The following GEMIN8 variants were observed in gnomAD, a reference collection of about 807,000 sequenced individuals.
GEMIN8 encodes gem nuclear organelle associated protein 8.
For missense variants in GEMIN8, 185 were observed against 205.9 expected (o/e 0.90, Z 0.62); for synonymous variants, 80 against 78.5 (o/e 1.02, Z -0.10).
intron 4 of GEMIN8, chrX:14,013,945 C>T (rs1426701916): frequency 7.1e-6 from 5 of 708,340 alleles, no homozygotes; most frequent in Non-Finnish European, 8.3e-6. Flanking sequence ...GTTCAGGATA[C>T]ATAATCCTGG....
downstream of GEMIN8, among the ~76,000 whole-genome samples, chrX:14,003,171 A>G (rs768284270): frequency 1.8e-5 from 2 of 112,708 alleles, no homozygotes; most frequent in Non-Finnish European, 3.7e-5. Context: ...CAAGCCCAGC[A>G]GGGACTAGAC....
downstream of GEMIN8, among the ~76,000 whole-genome samples, chrX:14,003,428 T>C (rs1445817209): frequency 8.9e-6 from 1 of 112,685 alleles, no homozygotes; most frequent in Non-Finnish European, 1.9e-5. Context: ...ATAATATTCC[T>C]TCAACACATT....
intron 4 of GEMIN8, among the ~76,000 whole-genome samples, chrX:14,015,009 C>G: frequency 8.9e-6 from 1 of 111,810 alleles, no homozygotes; most frequent in East Asian, 2.8e-4. Context: ...ACACCATAGA[C>G]ACTCTTCTTC....
chrX:14,015,160 G>A (rs1923825076), intron 4 of GEMIN8, among the ~76,000 whole-genome samples: 1 of 111,855 alleles, frequency 8.9e-6, no homozygotes, highest in African/African-American at 3.3e-5. Context: ...AACAGTGGTG[G>A]TGTTTGTTTC....
chrX:13,992,182 A>T, the GEMIN8 span, among the ~76,000 whole-genome samples: 2 of 111,891 alleles, frequency 1.8e-5, no homozygotes, highest in African/African-American at 6.5e-5. Flanking sequence ...AATGTCAAAT[A>T]ATCCTTCACA....
intron 2 of GEMIN8, among the ~76,000 whole-genome samples, chrX:14,021,759 T>C (rs180967047): frequency 8.9e-5 from 9 of 101,255 alleles, no homozygotes; most frequent in South Asian, 4.5e-4. Flanking sequence ...TATTTCCCTA[T>C]AGGAAGTAAA....
chrX:14,003,667 C>T (rs953714089), downstream of GEMIN8, among the ~76,000 whole-genome samples: 2 of 111,943 alleles, frequency 1.8e-5, no homozygotes, highest in African/African-American at 6.5e-5. Context: ...CTAGAATATG[C>T]TGTTTTACTT....
chrX:14,014,509 C>T, intron 4 of GEMIN8: 5 of 752,559 alleles, frequency 6.6e-6, no homozygotes, highest in East Asian at 1.5e-4. Flanking sequence ...TATCATCTCA[C>T]TGATCGGTTT....
At chrX:14,021,814 GTATA>G (rs147147045) in intron 2 of GEMIN8, among the ~76,000 whole-genome samples, 2,329 of 78,195 alleles carry the variant, frequency 0.03, 55 homozygotes, top group Middle Eastern at 0.088. Flanking sequence ...TAATGTGTGT[GTATA>G]TATATATATA....
At chrX:14,022,990 T>C (rs944346668) in intron 2 of GEMIN8, among the ~76,000 whole-genome samples, 2 of 112,578 alleles carry the variant, frequency 1.8e-5, no homozygotes, top group African/African-American at 3.2e-5. Context: ...AACTTTCAAA[T>C]AGGGTATTTC....
the GEMIN8 span, among the ~76,000 whole-genome samples, chrX:13,984,291 A>C: frequency 1.8e-5 from 2 of 112,367 alleles, no homozygotes; most frequent in African/African-American, 6.5e-5. Flanking sequence ...CTGTGAGATA[A>C]TAAATTTGTG....
intron 2 of GEMIN8, among the ~76,000 whole-genome samples, chrX:14,025,533 T>A (rs1450445697): frequency 1.8e-5 from 2 of 111,566 alleles, no homozygotes; most frequent in Non-Finnish European, 3.8e-5. Context: ...TGGGAATCAG[T>A]AGACGAACTT....
chrX:13,998,775 A>G, the GEMIN8 span, among the ~76,000 whole-genome samples: 1 of 111,066 alleles, frequency 9.0e-6, no homozygotes, highest in Non-Finnish European at 1.9e-5. Context: ...CTTTGAACCA[A>G]CTTGTTCATC....
chrX:14,006,592 GATGGGCTGGC>G (rs1172830430), downstream of GEMIN8, among the ~76,000 whole-genome samples: 1 of 111,658 alleles, frequency 9.0e-6, no homozygotes, highest in East Asian at 2.8e-4. Flanking sequence ...CAGGAGGAAG[GATGGGCTGGC>G]ATGAGGTGTC....
At chrX:14,006,034 C>T (rs1473741183), downstream of GEMIN8, among the ~76,000 whole-genome samples, 1 of 98,788 alleles carries the variant, frequency 1.0e-5, no homozygotes, top group Non-Finnish European at 2.0e-5. Context: ...GGCCAAAGAG[C>T]TAGGGACACT....
At chrX:14,028,589 C>A (rs1924814595) in intron 1 of GEMIN8, among the ~76,000 whole-genome samples, 1 of 107,618 alleles carries the variant, frequency 9.3e-6, no homozygotes, top group Non-Finnish European at 1.9e-5. Context: ...TCAAAACTTT[C>A]CCCCGTCATT....
the GEMIN8 span, among the ~76,000 whole-genome samples, chrX:14,000,569 C>G: frequency 2.8e-5 from 3 of 107,791 alleles, no homozygotes; most frequent in African/African-American, 3.4e-5. Context: ...TGCACTCCAG[C>G]CTGGGTGACA....
chrX:14,009,244 G>A, intron 4 of GEMIN8, 75 bp from the exon 5 acceptor site: 1 of 1,020,061 alleles, frequency 9.8e-7, no homozygotes, highest in Non-Finnish European at 1.4e-6. Flanking sequence ...AGTGAGTGCT[G>A]CTGCTGCTGG....
intron 4 of GEMIN8, 140 bp downstream of exon 4, chrX:14,019,938 G>A (rs1039718208): frequency 2.3e-5 from 9 of 399,221 alleles, no homozygotes; most frequent in Non-Finnish European, 3.8e-5. Flanking sequence ...CATCCCCATA[G>A]CTTTTCCAGG....
Sources: allele counts gnomAD v4.1 joint callset (sites outside exome capture counted in the v4.1 genomes callset), GRCh38; gene constraint gnomAD v4.1.1; transcripts MANE v1.5; gene names NCBI Gene and HGNC (gene_info 2026-07-23, HGNC 2026-07-21).